Variants in KERA observed in about 807,000 individuals in gnomAD.
The protein encoded by KERA is keratan sulfate proteoglycan keratocan.
In KERA, 25 loss-of-function variants were observed where a neutral mutation model predicts 26.4. The ratio of observed to expected loss-of-function variants is 0.95; its 90% CI spans 0.69 to 1.32. The LOEUF (loss-of-function observed/expected upper bound fraction) is 1.32. KERA is among the 40% of genes most tolerant of loss of function. KERA has a pLI of 0.00. For missense variants in KERA, 434 were observed against 408.9 expected (o/e 1.06, Z -0.53); for synonymous variants, 167 against 146.1 (o/e 1.14, Z -1.03).
rs886660012 is a variant in KERA, at chr12:91,051,120, T to A, written c.*226A>T. ...ACTATCTTTGAGTTGATAAACTATCTTAACTCTGTGTCTGTTTTATTAATT... is the reference window on the plus strand; with the variant it reads ...ACTATCTTTGAGTTGATAAACTATCATAACTCTGTGTCTGTTTTATTAATT... On this transcript the variant is annotated 3_prime_UTR_variant, in exon 3 of 3. Transcript: ENST00000266719. 5 of 507,110 alleles carry A rather than the reference T, an allele frequency of 9.9e-6. No individual in the cohort carries two copies. The highest frequency in any genetic ancestry group is 1.8e-5 in the Non-Finnish European group (5 of 277,776). The allele number at this position is 507,110 out of a possible 1,614,324, so 31.4% of individuals were successfully genotyped here.
rs536160457 is a variant in KERA at position 91,055,496 on chromosome 12, T to A, written c.786A>T (p.Ser262=). 1.2e-6 allele frequency: 2 copies of A among 1,610,188 alleles called. No individual in the cohort carries two copies. The highest frequency in any genetic ancestry group is 1.3e-5 in the African/African-American group (1 of 74,708). ...EGLPSRGFDV[S]SILDLQLSHN... is the part of the protein sequence containing the mutation. The stretch of plus-strand genomic sequence containing the variant: ...GCGACAGTTGAAGATCTAGAATTGA[T>A]GATACATCAAATCCTCTTGATGGGA... Residue 262 remains serine, a synonymous_variant, in exon 2 of 3, where the codon TCA becomes TCT. Transcript: ENST00000266719.
chr12:91,057,665 A>C (rs1191417212), intron 1 of KERA, 79 bp downstream of exon 1: 1 of 150,446 alleles, frequency 6.6e-6, no homozygotes, highest in Non-Finnish European at 1.5e-5. Flanking sequence ...TTAGTTATTG[A>C]AGTTGTAACC....
At chr12:91,053,972 A>G (rs74598149) in intron 2 of KERA, among the ~76,000 whole-genome samples, 1,679 of 151,444 alleles carry the variant, frequency 0.011, 29 homozygotes, top group African/African-American at 0.038. Context: ...CTCGTCAGGA[A>G]AAATTATGTA....
At position 91,050,523 on chromosome 12, in the gene KERA, G is replaced by T. The variant is rs1312043215; in HGVS notation, c.*823C>A. On this transcript the variant is annotated 3_prime_UTR_variant, in exon 3 of 3. Coordinates refer to ENST00000266719, the MANE Select transcript of KERA (RefSeq NM_007035.4). Reference sequence around the variant, plus strand: ...TAAAACATGTTCTTTAATGAAGCTTGCTAATTTCTTTGAAATATTCTGTTT... The same window carrying T: ...TAAAACATGTTCTTTAATGAAGCTTTCTAATTTCTTTGAAATATTCTGTTT... 1 of 151,636 alleles carries T rather than the reference G, an allele frequency of 6.6e-6. No homozygotes were observed. The highest frequency in any genetic ancestry group is 1.5e-5 in the Non-Finnish European group (1 of 67,656). 9.4% of individuals were successfully genotyped at this position (151,636 alleles called of 1,614,324 possible).
intron 1 of KERA, among the ~76,000 whole-genome samples, 158 bp downstream of exon 1, chr12:91,057,586 C>A (rs11105959): frequency 0.093 from 13,876 of 149,908 alleles, 798 homozygotes; most frequent in South Asian, 0.2. Context: ...GATTGCAGAA[C>A]GCTGCTCTGG....
At position 91,051,303 on chromosome 12, in the gene KERA, G is replaced by T. The variant is rs774086042; in HGVS notation, c.*43C>A. ...TTAATGGTAACCACATTTCATGTCA[G>T]AAACAGCTCATTAAACTAATTTTAG... On this transcript the variant is annotated 3_prime_UTR_variant, in exon 3 of 3. Coordinates refer to ENST00000266719, the MANE Select transcript of KERA (RefSeq NM_007035.4). 3.9e-6 allele frequency: 6 copies of T among 1,521,166 alleles called. No homozygotes were observed. The Admixed American group carries it at 1.0e-4, about 26-fold the overall frequency. 94.2% of individuals were successfully genotyped at this position (1,521,166 alleles called of 1,614,324 possible). A position where few individuals can be genotyped will look rare whatever the true frequency, so the allele number is the denominator to read the frequency against.
At position 91,055,484 on chromosome 12, in the gene KERA, A is replaced by G; in HGVS notation, c.798T>C (p.Asp266=). 6.2e-7 allele frequency: 1 copy of G among 1,610,228 alleles called. No individual in the cohort carries two copies. Among genetic ancestry groups the G allele is most frequent in the Admixed American group, 1.7e-5 (1 of 59,652 alleles). The change falls in exon 2 of 3, where the codon GAT becomes GAC. Residue 266 remains aspartate, a synonymous_variant. Coordinates refer to ENST00000266719, the MANE Select transcript of KERA (RefSeq NM_007035.4). Reference sequence around the variant, plus strand: ...TGAGTTGATTGTGCGACAGTTGAAGATCTAGAATTGATGATACATCAAATC... The same window carrying G: ...TGAGTTGATTGTGCGACAGTTGAAGGTCTAGAATTGATGATACATCAAATC... ...SRGFDVSSIL[D]LQLSHNQLTK...
rs1281474891 is a variant in KERA at position 91,056,284 on chromosome 12, T to G, written c.-3A>C. ...ATGAAACAGATTGTGCCTGCCATTA[T>G]AGCACCTACAGAAAAAGGAACACAA... is the stretch of plus-strand genomic sequence containing the variant. On this transcript the variant is annotated 5_prime_UTR_variant, in exon 2 of 3. Coordinates refer to ENST00000266719, the MANE Select transcript of KERA (RefSeq NM_007035.4). 6.2e-7 allele frequency: 1 copy of G among 1,607,618 alleles called. No homozygotes were observed. The highest frequency in any genetic ancestry group is 1.7e-5 in the Admixed American group (1 of 59,644).
rs781367942 is a variant in KERA at position 91,055,754 on chromosome 12, G to C, written c.528C>G (p.Asn176Lys). The change falls in exon 2 of 3, where the codon AAC becomes AAG. Residue 176 changes from asparagine to lysine, a missense_variant. Asn to Lys is a moderately conservative substitution (Grantham distance 94, BLOSUM62 0). Coordinates refer to ENST00000266719, the MANE Select transcript of KERA (RefSeq NM_007035.4). ...ENLTLLDLQN[N>K]KLVDNAFQRD... ...TTTGAAAGGCATTGTCCACTAATTT[G>C]TTGTTCTGTAGGTCAAGAAGGGTCA... The C allele has an allele frequency of 1.9e-5, 31 of 1,611,292 alleles. No individual in the cohort carries two copies. The South Asian group carries it at 3.3e-4, about 17-fold the overall frequency.
At chr12:91,057,158 A>G (rs1879029673) in intron 1 of KERA, among the ~76,000 whole-genome samples, 1 of 150,496 alleles carries the variant, frequency 6.6e-6, no homozygotes, top group South Asian at 2.1e-4. Context: ...AAAACAACCA[A>G]AAACATATTT....
rs751614675 is a variant in KERA at position 91,051,514 on chromosome 12, CA to C, written c.890del (p.Val297GlyfsTer5). On this transcript the variant is annotated frameshift_variant, in exon 3 of 3. Transcript: ENST00000266719. LOFTEE classifies it high-confidence loss of function. ...LHLDHNKIKS[V>X]NVSVICPSPS... The stretch of plus-strand genomic sequence containing the variant: ...GGCTGGGACATATTACAGAGACATT[CA>C]CACCTACAGTGACAAAGAGAATAGA... 1 of 1,606,382 alleles carries C rather than the reference CA, an allele frequency of 6.2e-7. No homozygotes were observed. Among genetic ancestry groups the C allele is most frequent in the Non-Finnish European group, 8.5e-7 (1 of 1,173,838 alleles).
chr12:91,056,975 C>CTT (rs1190281593), intron 1 of KERA, among the ~76,000 whole-genome samples: 1 of 125,630 alleles, frequency 8.0e-6, no homozygotes, highest in Non-Finnish European at 1.7e-5. Context: ...CTCTCTCTCC[C>CTT]TTTCTCTCTC....
At position 91,053,292 on chromosome 12, in the gene KERA, T is replaced by A. The variant is rs544406456; in HGVS notation, c.887-1774A>T. ...AAATAACTAGATTTCTCTTTGTTGC[T>A]TTTCTACTGATAGAATTTTTTAAAA... is the stretch of plus-strand genomic sequence containing the variant. On this transcript the variant is annotated intron_variant, in intron 2 of 2. Coordinates refer to ENST00000266719, the MANE Select transcript of KERA (RefSeq NM_007035.4). 7.9e-5 allele frequency among the ~76,000 whole-genome samples: 12 copies of A among 151,564 alleles called. No individual in the cohort carries two copies. The South Asian group carries it at 2.5e-3, about 31-fold the overall frequency.
At chr12:91,054,338 T>A (rs897376923) in intron 2 of KERA, among the ~76,000 whole-genome samples, 3 of 151,430 alleles carry the variant, frequency 2.0e-5, no homozygotes, top group Admixed American at 6.6e-5. Flanking sequence ...TCTTTGTTAT[T>A]CTCTTACAAA....
rs186404568 is a variant in KERA at position 91,052,495 on chromosome 12, C to A, written c.887-977G>T. On this transcript the variant is annotated intron_variant, in intron 2 of 2. Coordinates refer to ENST00000266719, the MANE Select transcript of KERA (RefSeq NM_007035.4). ...ATTGTAGTGAATAATTTTATGTTTC[C>A]AGCAAGGTTGCTTTGCTTTGAATTT... is the stretch of plus-strand genomic sequence containing the variant. Among the ~76,000 whole-genome samples the A allele has an allele frequency of 3.2e-4, 49 of 151,578 alleles. No individual in the cohort carries two copies. In the East Asian group the frequency reaches 8.2e-3, roughly 25 times the overall value.
rs181662306 is a variant in KERA, at chr12:91,055,343, C to T, written c.886+53G>A. The T allele has an allele frequency of 5.3e-5, 78 of 1,461,262 alleles. No individual in the cohort carries two copies. The Admixed American group carries it at 1.0e-3, about 19-fold the overall frequency. The allele number at this position is 1,461,262 out of a possible 1,614,324, so 90.5% of individuals were successfully genotyped here. ...GCTCTTCTTAATGAAAATAAAGATA[C>T]ATTTAATGACCATGAGCCCTTTAGT... On this transcript the variant is annotated intron_variant, in intron 2 of 2. Transcript: ENST00000266719.
intron 2 of KERA, among the ~76,000 whole-genome samples, chr12:91,053,834 T>C (rs1203018749): frequency 6.6e-6 from 1 of 151,376 alleles, no homozygotes; most frequent in Non-Finnish European, 1.5e-5. Flanking sequence ...TCACAAATGC[T>C]CAGGATGAAA....
At chr12:91,052,811 C>G (rs906466696) in intron 2 of KERA, among the ~76,000 whole-genome samples, 6 of 151,380 alleles carry the variant, frequency 4.0e-5, no homozygotes, top group African/African-American at 9.7e-5. Flanking sequence ...GAATATGTCC[C>G]TTTCGATGTG....
In KERA at chr12:91,055,782, T is replaced by C; in HGVS notation, c.500A>G (p.Asn167Ser). Residue 167 changes from asparagine to serine, a missense_variant, in exon 2 of 3, where the codon AAC (asparagine) becomes AGC (serine). Asn to Ser is a conservative substitution (Grantham distance 46). Transcript: ENST00000266719. Reference protein sequence around the residue: ...IPQGTFSNLENLTLLDLQNNK... With the variant: ...IPQGTFSNLESLTLLDLQNNK... ...GTTCTGTAGGTCAAGAAGGGTCAGG[T>C]TCTCCAGATTGCTAAAGGTCCCTTG... 3 of 1,611,436 alleles carry C rather than the reference T, an allele frequency of 1.9e-6. No individual in the cohort carries two copies. Among genetic ancestry groups the C allele is most frequent in the Non-Finnish European group, 2.5e-6 (3 of 1,178,240 alleles).
Sources: allele counts gnomAD v4.1 joint callset (sites outside exome capture counted in the v4.1 genomes callset), GRCh38; gene constraint gnomAD v4.1.1; transcripts MANE v1.5; gene names NCBI Gene and HGNC (gene_info 2026-07-23, HGNC 2026-07-21).